MCF2L2: variants seen among roughly 807,000 people sequenced by gnomAD.
MCF2L2 encodes MCF.2 cell line derived transforming sequence-like 2, also known as probable guanine nucleotide exchange factor MCF2L2.
Under a neutral mutation model 150.2 loss-of-function variants are expected in MCF2L2, and 102 were observed. That is an observed-to-expected ratio of 0.68 (90% CI 0.58 to 0.80). MCF2L2 has a LOEUF of 0.80. Among genes scored for constraint, MCF2L2 ranks in the 30% least tolerant of loss-of-function variants. MCF2L2 has a pLI of 0.00. For missense variants in MCF2L2, 1,256 were observed against 1,372.8 expected (o/e 0.91, Z 1.34); for synonymous variants, 465 against 491.3 (o/e 0.95, Z 0.71).
chr3:183,422,264 G>A (rs1036502439), intron 1 of MCF2L2, among the ~76,000 whole-genome samples: 24 of 152,138 alleles, frequency 1.6e-4, no homozygotes, highest in African/African-American at 5.8e-4. Flanking sequence ...AATCTCCATT[G>A]TATTCAAGAG....
At chr3:183,417,985 C>G (rs142231080) in intron 1 of MCF2L2, among the ~76,000 whole-genome samples, 1 of 152,004 alleles carries the variant, frequency 6.6e-6, no homozygotes, top group Non-Finnish European at 1.5e-5. Flanking sequence ...GTCAGGAGTT[C>G]GAGACCAGCC....
At chr3:183,317,209 G>C (rs73184940) in intron 7 of MCF2L2, among the ~76,000 whole-genome samples, 1,567 of 152,268 alleles carry the variant, frequency 0.01, 23 homozygotes, top group Non-Finnish European at 0.013. Context: ...CAACCATCTA[G>C]CAAAGCATTT....
intron 22 of MCF2L2, among the ~76,000 whole-genome samples, chr3:183,210,556 A>G (rs531997248): frequency 8.5e-5 from 13 of 152,336 alleles, no homozygotes; most frequent in African/African-American, 3.1e-4. Context: ...AAAGAGGAAC[A>G]TGTTTTAGGT....
chr3:183,230,298 G>A (rs1723500363), intron 16 of MCF2L2, among the ~76,000 whole-genome samples: 1 of 152,132 alleles, frequency 6.6e-6, no homozygotes, highest in African/African-American at 2.4e-5. Context: ...ATTTTTAGTA[G>A]AGACAGGGTT....
intron 3 of MCF2L2, among the ~76,000 whole-genome samples, chr3:183,348,926 G>A (rs1463394059): frequency 6.6e-6 from 1 of 152,172 alleles, no homozygotes; most frequent in East Asian, 1.9e-4. Context: ...TGAGATTCTA[G>A]TATTCCTCTC....
intron 20 of MCF2L2, among the ~76,000 whole-genome samples, chr3:183,222,920 G>C (rs534535749): frequency 1.9e-4 from 29 of 152,304 alleles, no homozygotes; most frequent in African/African-American, 7.0e-4. Flanking sequence ...CATTCTGTTA[G>C]GCTGCTCTCA....
intron 2 of MCF2L2, 59 bp from the exon 3 acceptor site, chr3:183,379,470 A>G: frequency 8.3e-7 from 1 of 1,207,158 alleles, no homozygotes; most frequent in Non-Finnish European, 1.2e-6. Context: ...ACACCTCTGC[A>G]GGGAAGTTGG....
At chr3:183,238,469 T>C (rs1723843913) in intron 15 of MCF2L2, among the ~76,000 whole-genome samples, 1 of 151,630 alleles carries the variant, frequency 6.6e-6, no homozygotes, top group Non-Finnish European at 1.5e-5. Flanking sequence ...TAACTTTTTG[T>C]ATTTTTGTAG....
chr3:183,253,128 C>T (rs1396563651), intron 15 of MCF2L2: 1 of 146,924 alleles, frequency 6.8e-6, no homozygotes, highest in Non-Finnish European at 1.5e-5. Context: ...GGCCCATCAC[C>T]TTCACCTACG....
chr3:183,332,588 G>T (rs1328113957), intron 5 of MCF2L2, among the ~76,000 whole-genome samples: 3 of 152,134 alleles, frequency 2.0e-5, no homozygotes, highest in Non-Finnish European at 2.9e-5. Context: ...TATGCAATCA[G>T]GGAAATACGC....
intron 1 of MCF2L2, among the ~76,000 whole-genome samples, chr3:183,418,870 G>A (rs565942764): frequency 4.6e-5 from 7 of 152,278 alleles, no homozygotes; most frequent in South Asian, 4.2e-4. Flanking sequence ...GCAAGCTGTC[G>A]GTGGATCTGT....
At chr3:183,308,158 G>C (rs935616189) in intron 10 of MCF2L2, among the ~76,000 whole-genome samples, 2 of 152,086 alleles carry the variant, frequency 1.3e-5, no homozygotes, top group Non-Finnish European at 2.9e-5. Context: ...TAGAATGTAA[G>C]CTCCATGAGG....
At chr3:183,343,040 T>C (rs1034305418) in intron 3 of MCF2L2, among the ~76,000 whole-genome samples, 5 of 152,084 alleles carry the variant, frequency 3.3e-5, no homozygotes, top group Non-Finnish European at 7.4e-5. Context: ...GAAAGTGAAA[T>C]AAGGACATTT....
At chr3:183,201,740 A>G (rs1259036501) in intron 25 of MCF2L2, among the ~76,000 whole-genome samples, 1 of 152,192 alleles carries the variant, frequency 6.6e-6, no homozygotes, top group Non-Finnish European at 1.5e-5. Flanking sequence ...TTGCCCATTC[A>G]GTATGATATT....
chr3:183,341,292 C>T (rs945859691), intron 4 of MCF2L2, among the ~76,000 whole-genome samples: 1 of 152,178 alleles, frequency 6.6e-6, no homozygotes, highest in Non-Finnish European at 1.5e-5. Context: ...CCCCAACTGC[C>T]CCTCTTCAGT....
intron 23 of MCF2L2, among the ~76,000 whole-genome samples, chr3:183,206,634 G>C (rs1195355654): frequency 1.3e-5 from 2 of 152,170 alleles, no homozygotes; most frequent in Non-Finnish European, 2.9e-5. Flanking sequence ...CACTTTGGGA[G>C]GCCTAGGTGG....
intron 1 of MCF2L2, among the ~76,000 whole-genome samples, chr3:183,404,437 A>T (rs1240988369): frequency 6.6e-6 from 1 of 152,258 alleles, no homozygotes; most frequent in Non-Finnish European, 1.5e-5. Context: ...TGATAAACAG[A>T]TCAAGTGAAA....
intron 14 of MCF2L2, among the ~76,000 whole-genome samples, chr3:183,286,141 C>T (rs1727779947): frequency 6.6e-6 from 1 of 152,136 alleles, no homozygotes; most frequent in Non-Finnish European, 1.5e-5. Context: ...CAAGGATCAC[C>T]CCTCCAGAAA....
intron 3 of MCF2L2, among the ~76,000 whole-genome samples, chr3:183,351,237 T>C (rs201631615): frequency 5.0e-5 from 4 of 79,550 alleles, no homozygotes; most frequent in Non-Finnish European, 9.1e-5. Context: ...TATATATATA[T>C]TTATTTATTT....
Sources: gnomAD v4.1 joint callset for allele counts (sites outside exome capture counted in the v4.1 genomes callset) on GRCh38, gnomAD v4.1.1 for gene constraint, MANE v1.5 for transcripts, NCBI Gene and HGNC (gene_info 2026-07-23, HGNC 2026-07-21) for gene names.